PREP: variants seen among roughly 807,000 people sequenced by gnomAD.
PREP encodes prolyl endopeptidase.
In PREP, 29 loss-of-function variants were observed where a neutral mutation model predicts 87.6. That is an observed-to-expected ratio of 0.33 (90% CI 0.25 to 0.45). The LOEUF (loss-of-function observed/expected upper bound fraction) is 0.45, where lower values mean the gene tolerates loss of function less well. Among genes scored for constraint, PREP ranks in the 20% least tolerant of loss-of-function variants. The pLI, the probability that PREP is intolerant of heterozygous loss-of-function variation, is 1.00. For missense variants in PREP, 695 were observed against 886.5 expected (o/e 0.78, Z 2.74); for synonymous variants, 337 against 328.6 (o/e 1.03, Z -0.28).
In PREP at chr6:105,373,421, A is replaced by G; in HGVS notation, c.543T>C (p.Asp181=). Reference sequence around the variant, plus strand: ...ATGAGTTGTAGAACATTCCCTTCCCATCATGGGTCCAGGCCATACAGCTGA... The same window carrying G: ...ATGAGTTGTAGAACATTCCCTTCCCGTCATGGGTCCAGGCCATACAGCTGA... ...VKFSCMAWTH[D]GKGMFYNSYP... is the part of the protein sequence containing the mutation. Residue 181 remains aspartate, a synonymous_variant, in exon 5 of 15, where the codon GAT becomes GAC. Coordinates refer to ENST00000652536, the MANE Select transcript of PREP (RefSeq NM_002726.5). The G allele has an allele frequency of 6.2e-7, 1 of 1,614,212 alleles. No homozygotes were observed. Among genetic ancestry groups the G allele is most frequent in the Non-Finnish European group, 8.5e-7 (1 of 1,180,044 alleles).
intron 2 of PREP, among the ~76,000 whole-genome samples, chr6:105,387,311 G>A (rs1162169473): frequency 1.3e-5 from 2 of 152,068 alleles, no homozygotes; most frequent in Non-Finnish European, 2.9e-5. Context: ...CAAAAATACC[G>A]TATCTGATGC....
chr6:105,284,441 A>G (rs1583034694), intron 12 of PREP, among the ~76,000 whole-genome samples: 1 of 152,280 alleles, frequency 6.6e-6, no homozygotes, highest in East Asian at 1.9e-4. Flanking sequence ...GATGCAAAAA[A>G]AATCCAGAGC....
At chr6:105,290,605 G>C (rs1054687857) in intron 10 of PREP, among the ~76,000 whole-genome samples, 9 of 151,676 alleles carry the variant, frequency 5.9e-5, no homozygotes, top group African/African-American at 2.2e-4. Flanking sequence ...TTCCCAAAGT[G>C]CTCTCTTGAT....
At chr6:105,344,763 G>T (rs1431353788) in intron 7 of PREP, among the ~76,000 whole-genome samples, 2 of 152,132 alleles carry the variant, frequency 1.3e-5, no homozygotes, top group Non-Finnish European at 2.9e-5. Context: ...CACCAACATG[G>T]CACATGTATG....
intron 10 of PREP, among the ~76,000 whole-genome samples, chr6:105,311,785 A>G (rs1041219640): frequency 3.9e-5 from 6 of 152,230 alleles, no homozygotes; most frequent in Non-Finnish European, 5.9e-5. Flanking sequence ...CCACCCATCA[A>G]TGCTGACAGA....
rs1562183727 is a variant in PREP, at chr6:105,278,198, G to A, written c.2079C>T (p.Val693=). ...GCGCGATGAACGCAAACATGTCTGA[G>A]ACTTCCTCTATCACTTTGGCTGTGG... ...GKPTAKVIEE[V]SDMFAFIARC... Residue 693 remains valine (V), a synonymous_variant, in exon 15 of 15, where the codon GTC becomes GTT. Transcript: ENST00000652536. The surrounding 1 kb of genome is among the most constrained non-coding windows in gnomAD (Gnocchi z 4.2). 6.2e-7 allele frequency: 1 copy of A among 1,614,086 alleles called. No homozygotes were observed. The highest frequency in any genetic ancestry group is 8.5e-7 in the Non-Finnish European group (1 of 1,180,028).
At chr6:105,322,961 C>T in intron 10 of PREP, 1 of 1,284,580 alleles carries the variant, frequency 7.8e-7, no homozygotes, top group South Asian at 1.3e-5. Context: ...TAATCTGTGG[C>T]CTGTGTGGTC....
At chr6:105,344,491 CAA>C (rs35275950) in intron 7 of PREP, among the ~76,000 whole-genome samples, 71 of 103,372 alleles carry the variant, frequency 6.9e-4, no homozygotes, top group African/African-American at 1.7e-3. Context: ...GACTCCGTCT[CAA>C]AAAAAAAAAA....
intron 10 of PREP, among the ~76,000 whole-genome samples, chr6:105,294,281 C>G (rs1562189506): frequency 1.3e-5 from 2 of 152,236 alleles, no homozygotes; most frequent in African/African-American, 4.8e-5. Flanking sequence ...ATCCTACATA[C>G]TCTGTGGCAG....
chr6:105,301,880 G>A (rs1455766910), intron 10 of PREP, among the ~76,000 whole-genome samples: 1 of 152,126 alleles, frequency 6.6e-6, no homozygotes, highest in African/African-American at 2.4e-5. Flanking sequence ...CCTTTTCCCA[G>A]TCTCAAACTG....
intron 8 of PREP, among the ~76,000 whole-genome samples, chr6:105,332,496 G>A (rs951109425): frequency 2.0e-5 from 3 of 152,100 alleles, no homozygotes; most frequent in Non-Finnish European, 4.4e-5. Context: ...TCTCAAAGGG[G>A]ACTTTTTTTC....
intron 2 of PREP, among the ~76,000 whole-genome samples, chr6:105,394,172 T>C (rs2114733519): frequency 6.6e-6 from 1 of 152,302 alleles, no homozygotes; most frequent in East Asian, 1.9e-4. Flanking sequence ...TTAGTGAAGC[T>C]ATATAATTAC....
intron 11 of PREP, among the ~76,000 whole-genome samples, chr6:105,286,275 A>C (rs1438601711): frequency 6.6e-6 from 1 of 152,208 alleles, no homozygotes; most frequent in Non-Finnish European, 1.5e-5. Flanking sequence ...AACTGTTTTA[A>C]GTTGGAAAAA....
At chr6:105,361,010 A>G (rs1206194403) in intron 6 of PREP, among the ~76,000 whole-genome samples, 1 of 152,180 alleles carries the variant, frequency 6.6e-6, no homozygotes, top group Admixed American at 6.5e-5. Context: ...GGTAAGTATG[A>G]AATAGATACT....
chr6:105,373,590 A>G lies in PREP; in HGVS notation c.386-12T>C. ...GCTGAACGCATAACCTATGGGACACAGGAGAAATCATCCAGTGACAAACAC... is the reference window on the plus strand; with the variant it reads ...GCTGAACGCATAACCTATGGGACACGGGAGAAATCATCCAGTGACAAACAC... On this transcript the variant is annotated splice_polypyrimidine_tract_variant and intron_variant, in intron 4 of 14. Transcript: ENST00000652536. The G allele has an allele frequency of 6.2e-7, 1 of 1,610,970 alleles. No individual in the cohort carries two copies. The highest frequency in any genetic ancestry group is 8.5e-7 in the Non-Finnish European group (1 of 1,177,608).
intron 2 of PREP, among the ~76,000 whole-genome samples, chr6:105,396,050 C>G (rs530582727): frequency 4.6e-5 from 7 of 152,312 alleles, no homozygotes; most frequent in Non-Finnish European, 5.9e-5. Context: ...CTCAGACTTA[C>G]CTGCAGAGCT....
At chr6:105,327,277 T>G (rs12189723) in intron 9 of PREP, among the ~76,000 whole-genome samples, 20,909 of 152,088 alleles carry the variant, frequency 0.14, 1,490 homozygotes, top group South Asian at 0.2. Flanking sequence ...CACTGGCTGC[T>G]GCTGTACTCC....
intron 2 of PREP, among the ~76,000 whole-genome samples, chr6:105,382,168 A>C (rs1030365418): frequency 1.3e-5 from 2 of 152,058 alleles, no homozygotes; most frequent in African/African-American, 2.4e-5. Context: ...TGTTGGTAAA[A>C]GGACACAGAG....
intron 6 of PREP, among the ~76,000 whole-genome samples, chr6:105,364,593 C>T (rs1185530267): frequency 3.9e-5 from 6 of 152,158 alleles, no homozygotes; most frequent in Non-Finnish European, 7.4e-5. Context: ...CCACAAAGCC[C>T]GCATCCTGCC....
Sources: allele counts gnomAD v4.1 joint callset (sites outside exome capture counted in the v4.1 genomes callset), GRCh38; gene constraint gnomAD v4.1.1; non-coding constraint Gnocchi (gnomAD v3.1); transcripts MANE v1.5; gene names NCBI Gene and HGNC (gene_info 2026-07-23, HGNC 2026-07-21).